Variants in PCDHGA8 observed in about 807,000 individuals in gnomAD.
The protein encoded by PCDHGA8 is protocadherin gamma-A8.
Under a neutral mutation model 59.2 loss-of-function variants are expected in PCDHGA8, and 45 were observed. That is an observed-to-expected ratio of 0.76 (90% CI 0.60 to 0.98). The LOEUF is 0.98. Among genes scored for constraint, PCDHGA8 ranks in the 50% least tolerant of loss-of-function variants. The pLI, the probability that PCDHGA8 is intolerant of heterozygous loss-of-function variation, is 0.00. For synonymous variants in PCDHGA8, 531 were observed against 519.0 expected (o/e 1.02, Z -0.32); for missense variants, 1,257 against 1,196.2 (o/e 1.05, Z -0.75).
intron 1 of PCDHGA8, among the ~76,000 whole-genome samples, chr5:141,445,609 T>A (rs900534761): frequency 1.3e-5 from 2 of 152,220 alleles, no homozygotes; most frequent in African/African-American, 4.8e-5. Flanking sequence ...CAAGGAAGGC[T>A]TTCTTTTTTT....
At position 141,460,491 on chromosome 5, in the gene PCDHGA8, A is replaced by G. The variant is rs544539917; in HGVS notation, c.2425-34316A>G. Among the ~76,000 whole-genome samples, 240 of 152,272 alleles carry G rather than the reference A, an allele frequency of 1.6e-3. 1 individual carries two copies. Among genetic ancestry groups the G allele is most frequent in the Non-Finnish European group, 2.6e-3 (177 of 68,014 alleles). On this transcript the variant is annotated intron_variant, in intron 1 of 3. Transcript: ENST00000398604. ...AAGGAATATCCAATTGTCTCTTTGG[A>G]AAAATATGCTGAGAAGGCTATCTTT...
At chr5:141,502,534 C>T (rs565889110) in intron 2 of PCDHGA8, among the ~76,000 whole-genome samples, 10 of 152,074 alleles carry the variant, frequency 6.6e-5, no homozygotes, top group Non-Finnish European at 1.0e-4. Context: ...CGAGTTTGTT[C>T]GTGTGGTAAA....
At chr5:141,499,343 G>C (rs1184175548) in intron 2 of PCDHGA8, among the ~76,000 whole-genome samples, 1 of 152,146 alleles carries the variant, frequency 6.6e-6, no homozygotes, top group Non-Finnish European at 1.5e-5. Context: ...AGTTTGGGCA[G>C]TCATTCAACA....
chr5:141,447,388 T>C (rs1302757515), intron 1 of PCDHGA8, among the ~76,000 whole-genome samples: 3 of 152,166 alleles, frequency 2.0e-5, no homozygotes, highest in African/African-American at 7.2e-5. Flanking sequence ...TCTGCCCACC[T>C]CGGCCTCCCA....
chr5:141,500,187 TATTTA>T (rs1467273493), intron 2 of PCDHGA8, among the ~76,000 whole-genome samples: 2 of 110,668 alleles, frequency 1.8e-5, no homozygotes, highest in Non-Finnish European at 3.6e-5. Flanking sequence ...TTTTTATTTT[TATTTA>T]TTTATTTATT....
chr5:141,428,392 T>A, intron 1 of PCDHGA8: 1 of 497,196 alleles, frequency 2.0e-6, no homozygotes, highest in Admixed American at 3.1e-5. Flanking sequence ...TTCCAGCCCC[T>A]CTGCCTGGGG....
intron 1 of PCDHGA8, chr5:141,398,966 C>T: frequency 6.2e-7 from 1 of 1,613,962 alleles, no homozygotes; most frequent in Non-Finnish European, 8.5e-7. Flanking sequence ...ATTACTTATT[C>T]CTTCTACAGA....
chr5:141,417,859 GAT>G, intron 1 of PCDHGA8: 1 of 1,548,208 alleles, frequency 6.5e-7, no homozygotes, highest in Middle Eastern at 1.7e-4. Context: ...CCGAGCGAAC[GAT>G]GGGAGGGAGC....
At chr5:141,414,497 A>C (rs757597548) in intron 1 of PCDHGA8, 4 of 1,613,922 alleles carry the variant, frequency 2.5e-6, no homozygotes, top group Non-Finnish European at 3.4e-6. Context: ...ACGGAAGCTC[A>C]CTTTATGCTA....
At chr5:141,444,473 G>C (rs943971075) in intron 1 of PCDHGA8, among the ~76,000 whole-genome samples, 6 of 151,972 alleles carry the variant, frequency 3.9e-5, no homozygotes, top group South Asian at 2.1e-4. Flanking sequence ...GCCCGGTCGC[G>C]TACTGGATTT....
intron 1 of PCDHGA8, chr5:141,404,707 C>T: frequency 6.2e-7 from 1 of 1,614,122 alleles, no homozygotes; most frequent in Non-Finnish European, 8.5e-7. Flanking sequence ...CAGAGCCTGG[C>T]TACCTGGTGA....
intron 1 of PCDHGA8, among the ~76,000 whole-genome samples, chr5:141,445,597 G>T (rs2098471988): frequency 6.6e-6 from 1 of 152,200 alleles, no homozygotes; most frequent in African/African-American, 2.4e-5. Context: ...TAATCTGAAG[G>T]TCAAGGAAGG....
At chr5:141,494,268 C>G (rs576129333) in intron 1 of PCDHGA8, among the ~76,000 whole-genome samples, 31 of 152,288 alleles carry the variant, frequency 2.0e-4, no homozygotes, top group African/African-American at 7.2e-4. Flanking sequence ...TTCTTGCAAG[C>G]CAAGGGCCCA....
chr5:141,404,648 G>C (rs1178706213), intron 1 of PCDHGA8: 1 of 1,614,148 alleles, frequency 6.2e-7, no homozygotes, highest in African/African-American at 1.3e-5. Flanking sequence ...CCTGTACCCT[G>C]CCCTCCCCAC....
At chr5:141,427,509 G>T in intron 1 of PCDHGA8, 1 of 588,640 alleles carries the variant, frequency 1.7e-6, no homozygotes, top group Non-Finnish European at 3.2e-6. Flanking sequence ...TGGGACCCTG[G>T]ATTGGGAGCG....
At chr5:141,481,606 C>T (rs2099540144) in intron 1 of PCDHGA8, among the ~76,000 whole-genome samples, 1 of 152,000 alleles carries the variant, frequency 6.6e-6, no homozygotes, top group South Asian at 2.1e-4. Context: ...TCACCTGAGG[C>T]CAGGAGTTCA....
At chr5:141,495,591 C>G (rs2099762279) in intron 2 of PCDHGA8, among the ~76,000 whole-genome samples, 3 of 152,222 alleles carry the variant, frequency 2.0e-5, no homozygotes, top group African/African-American at 7.2e-5. Context: ...CCATCTCTGT[C>G]TTAGCTTCCG....
chr5:141,482,574 A>C (rs1294997781), intron 1 of PCDHGA8, among the ~76,000 whole-genome samples: 2 of 151,592 alleles, frequency 1.3e-5, no homozygotes, highest in Non-Finnish European at 2.9e-5. Context: ...GCATAGCATA[A>C]GATGCAGTGG....
Position 141,409,527 on chromosome 5 carries a change from T to A in PCDHGA8, c.2424+14290T>A. 1 of 1,613,970 alleles carries A rather than the reference T, an allele frequency of 6.2e-7. No homozygotes were observed. Among genetic ancestry groups the A allele is most frequent in the South Asian group, 1.1e-5 (1 of 91,084 alleles). ...TCCAGTAGAAGCATCACCTTGTATGTCGCTGACATCAACGACAACGCCCCA... is the reference window on the plus strand; with the variant it reads ...TCCAGTAGAAGCATCACCTTGTATGACGCTGACATCAACGACAACGCCCCA... On this transcript the variant is annotated intron_variant, in intron 1 of 3. Coordinates refer to ENST00000398604, the MANE Select transcript of PCDHGA8 (RefSeq NM_032088.2).
Sources: gnomAD v4.1 joint callset for allele counts (sites outside exome capture counted in the v4.1 genomes callset) on GRCh38, gnomAD v4.1.1 for gene constraint, MANE v1.5 for transcripts, NCBI Gene and HGNC (gene_info 2026-07-23, HGNC 2026-07-21) for gene names.